The following PTPRD variants were observed in gnomAD, a reference collection of about 807,000 sequenced individuals.
The protein encoded by PTPRD is protein tyrosine phosphatase receptor type D.
In PTPRD, 34 loss-of-function variants were observed where a neutral mutation model predicts 214.5. That is an observed-to-expected ratio of 0.16 (90% CI 0.12 to 0.21). The LOEUF (loss-of-function observed/expected upper bound fraction) is 0.21. Ranked by LOEUF, PTPRD falls within the 10% of genes least tolerant of loss-of-function variation. The probability of loss-of-function intolerance (pLI) is 1.00; values close to 1 mark genes in which losing one functional copy is unlikely to be tolerated. For missense variants in PTPRD, 2,545 were observed against 2,398.7 expected (o/e 1.06, Z -1.27); for synonymous variants, 1,128 against 845.7 (o/e 1.33, Z -5.79).
chr9:8,865,679 C>G (rs1423216944), intron 11 of PTPRD, among the ~76,000 whole-genome samples: 1 of 152,126 alleles, frequency 6.6e-6, no homozygotes, highest in African/African-American at 2.4e-5. Context: ...GCACTAGAAG[C>G]AGATCTCAAA....
At chr9:9,628,149 T>C (rs950587760) in intron 7 of PTPRD, among the ~76,000 whole-genome samples, 19 of 152,326 alleles carry the variant, frequency 1.2e-4, no homozygotes, top group Admixed American at 6.5e-4. Flanking sequence ...TGATACTGTA[T>C]AAATGTAGGC....
chr9:10,341,272 C>G (rs1245825736), intron 2 of PTPRD, among the ~76,000 whole-genome samples: 3 of 151,866 alleles, frequency 2.0e-5, no homozygotes, highest in Non-Finnish European at 2.9e-5. Flanking sequence ...AAAGTACATA[C>G]AAGAAATGCC....
chr9:10,563,780 G>A (rs1198797241), intron 2 of PTPRD, among the ~76,000 whole-genome samples: 1 of 151,760 alleles, frequency 6.6e-6, no homozygotes, highest in Non-Finnish European at 1.5e-5. Flanking sequence ...TTGATGTTGA[G>A]TAAAACAATT....
At chr9:8,590,843 C>G (rs1009486467) in intron 14 of PTPRD, among the ~76,000 whole-genome samples, 1 of 152,112 alleles carries the variant, frequency 6.6e-6, no homozygotes, top group Admixed American at 6.5e-5. Context: ...GTCACAAACT[C>G]GATGGCTTAA....
chr9:9,814,868 C>T (rs1013779623), intron 5 of PTPRD, among the ~76,000 whole-genome samples: 24 of 144,304 alleles, frequency 1.7e-4, no homozygotes, highest in Admixed American at 5.8e-4. Flanking sequence ...GGCACGATCA[C>T]GGTTCACTGC....
At chr9:8,956,950 C>G (rs2099134571) in intron 11 of PTPRD, among the ~76,000 whole-genome samples, 2 of 151,800 alleles carry the variant, frequency 1.3e-5, no homozygotes, top group Admixed American at 1.3e-4. Flanking sequence ...TGAAGCCAGG[C>G]TTGGGAACTC....
intron 14 of PTPRD, among the ~76,000 whole-genome samples, chr9:8,552,469 G>C (rs578197752): frequency 2.6e-5 from 4 of 152,290 alleles, no homozygotes; most frequent in Admixed American, 6.5e-5. Context: ...TGCATGGAAA[G>C]AGGACAGAGG....
intron 9 of PTPRD, among the ~76,000 whole-genome samples, chr9:9,228,477 T>C (rs1405584077): frequency 6.6e-6 from 1 of 152,174 alleles, no homozygotes; most frequent in Non-Finnish European, 1.5e-5. Context: ...TGTTGATATA[T>C]ACAGTATATA....
chr9:8,595,351 C>A (rs2154268995), intron 14 of PTPRD, among the ~76,000 whole-genome samples: 1 of 152,124 alleles, frequency 6.6e-6, no homozygotes, highest in Non-Finnish European at 1.5e-5. Flanking sequence ...ACCATATAGC[C>A]AATCAAAGCT....
At chr9:8,523,388 C>A (rs1268586820) in intron 19 of PTPRD, 125 bp downstream of exon 19, 1 of 1,167,678 alleles carries the variant, frequency 8.6e-7, no homozygotes, top group Non-Finnish European at 1.2e-6. Flanking sequence ...AGGGCATTCT[C>A]TGCTAAAACA....
At chr9:9,158,846 A>C (rs1288036850) in intron 10 of PTPRD, among the ~76,000 whole-genome samples, 1 of 152,180 alleles carries the variant, frequency 6.6e-6, no homozygotes, top group African/African-American at 2.4e-5. Context: ...AACACATTAA[A>C]ATAATCATTC....
chr9:9,591,027 C>T (rs977890242), intron 7 of PTPRD, among the ~76,000 whole-genome samples: 1 of 151,950 alleles, frequency 6.6e-6, no homozygotes, highest in Non-Finnish European at 1.5e-5. Context: ...GGTGTCCGTG[C>T]CTTAATCCCT....
At chr9:9,568,908 G>C (rs1043208715) in intron 8 of PTPRD, among the ~76,000 whole-genome samples, 2 of 151,728 alleles carry the variant, frequency 1.3e-5, no homozygotes, top group Non-Finnish European at 2.9e-5. Flanking sequence ...CCCAATACTA[G>C]CCCAATGCTT....
intron 4 of PTPRD, among the ~76,000 whole-genome samples, chr9:10,016,396 G>GATAGGTAA: frequency 6.6e-6 from 1 of 150,670 alleles, no homozygotes; most frequent in South Asian, 2.1e-4. Context: ...TAGATAGATA[G>GATAGGTAA]ACAGATAGAT....
At chr9:8,937,664 G>C (rs747145738) in intron 11 of PTPRD, among the ~76,000 whole-genome samples, 1 of 152,098 alleles carries the variant, frequency 6.6e-6, no homozygotes. Flanking sequence ...CATCATTCAA[G>C]ATTCAAAGTG....
chr9:10,132,378 T>C (rs2098899447), intron 3 of PTPRD, among the ~76,000 whole-genome samples: 1 of 152,176 alleles, frequency 6.6e-6, no homozygotes, highest in Non-Finnish European at 1.5e-5. Flanking sequence ...ATATATTACT[T>C]GAGATTCACT....
chr9:10,469,107 A>G (rs2099013631), intron 2 of PTPRD, among the ~76,000 whole-genome samples: 1 of 152,156 alleles, frequency 6.6e-6, no homozygotes, highest in African/African-American at 2.4e-5. Flanking sequence ...GCCTTTATTC[A>G]AATAGTATAC....
At chr9:9,403,739 A>C (rs905188255) in intron 8 of PTPRD, among the ~76,000 whole-genome samples, 10 of 152,104 alleles carry the variant, frequency 6.6e-5, no homozygotes, top group Non-Finnish European at 1.3e-4. Flanking sequence ...TTAACACCTA[A>C]TATGTTTTGT....
At chr9:9,425,505 T>A (rs574184482) in intron 8 of PTPRD, among the ~76,000 whole-genome samples, 1 of 149,168 alleles carries the variant, frequency 6.7e-6, no homozygotes, top group African/African-American at 2.4e-5. Context: ...ATTGTGGGTT[T>A]TGCCATAAAA....
Sources: gnomAD v4.1 joint callset for allele counts (sites outside exome capture counted in the v4.1 genomes callset) on GRCh38, gnomAD v4.1.1 for gene constraint, MANE v1.5 for transcripts, NCBI Gene and HGNC (gene_info 2026-07-23, HGNC 2026-07-21) for gene names.